TSHZ3: variants seen among roughly 807,000 people sequenced by gnomAD.
TSHZ3 encodes the protein teashirt homolog 3.
Under a neutral mutation model 64.5 loss-of-function variants are expected in TSHZ3, and 10 were observed. The observed-to-expected ratio is 0.16, with a 90% CI of 0.10 to 0.26. The LOEUF is 0.26. TSHZ3 is among the 10% of genes least tolerant of loss of function. The pLI, the probability that TSHZ3 is intolerant of heterozygous loss-of-function variation, is 1.00. For missense variants in TSHZ3, 1,242 were observed against 1,421.7 expected, an observed-to-expected ratio of 0.87 and a Z score of 2.03; for synonymous variants, 608 against 593.1, an observed-to-expected ratio of 1.03 and a Z score of -0.36.
chr19:31,302,711 C>A (rs781546823), intron 1 of TSHZ3, among the ~76,000 whole-genome samples: 47 of 152,204 alleles, frequency 3.1e-4, no homozygotes, highest in Non-Finnish European at 5.6e-4. Flanking sequence ...TTTTTCCTAT[C>A]AGAGTGTGTA....
chr19:31,252,568 G>C (rs911064863), intron 1 of TSHZ3, among the ~76,000 whole-genome samples: 1 of 152,220 alleles, frequency 6.6e-6, no homozygotes, highest in African/African-American at 2.4e-5. Context: ...ATGACAGTGA[G>C]TTCTCAGAAG....
At chr19:31,291,745 C>T (rs1481328444) in intron 1 of TSHZ3, among the ~76,000 whole-genome samples, 1 of 152,178 alleles carries the variant, frequency 6.6e-6, no homozygotes, top group Non-Finnish European at 1.5e-5. Context: ...ATGGTGGAAG[C>T]CCGCACCTGT....
Position 31,279,626 on chromosome 19 carries a change from C to A in TSHZ3, c.167G>T (p.Cys56Phe). 6.2e-7 allele frequency: 1 copy of A among 1,611,660 alleles called. No individual in the cohort carries two copies. Among genetic ancestry groups the A allele is most frequent in the Non-Finnish European group, 8.5e-7 (1 of 1,178,660 alleles). Residue 56 changes from cysteine (C) to phenylalanine (F), a missense_variant, in exon 2 of 2, where the codon TGC (cysteine) becomes TTC (phenylalanine). By Grantham distance (205) the Cys-to-Phe change is radical (BLOSUM62 -2). This residue lies in a region of TSHZ3 where 555 missense variants were observed against 704.0 expected (regional missense o/e 0.79). Coordinates refer to ENST00000240587, the MANE Select transcript of TSHZ3 (RefSeq NM_020856.4). The surrounding 1 kb of genome is among the most constrained non-coding windows in gnomAD (Gnocchi z 6.4). Reference sequence around the variant, plus strand: ...GGCCGGGGAGTTCTGGTAGCTGGGGCAGGCCCTGGCGAGCTCCTTCTCCGG... The same window carrying A: ...GGCCGGGGAGTTCTGGTAGCTGGGGAAGGCCCTGGCGAGCTCCTTCTCCGG... ...MCPEKELARA[C>F]PSYQNSPAAE... is the part of the protein sequence containing the mutation.
chr19:31,162,855 C>T (rs531957749), intron 5 of TSHZ3, among the ~76,000 whole-genome samples: 60 of 152,294 alleles, frequency 3.9e-4, no homozygotes, highest in African/African-American at 1.3e-3. Context: ...AGAGAGACCC[C>T]GAGACCTGGA....
At chr19:31,268,491 C>A (rs1976087216) in intron 1 of TSHZ3, among the ~76,000 whole-genome samples, 1 of 152,156 alleles carries the variant, frequency 6.6e-6, no homozygotes, top group South Asian at 2.1e-4. Context: ...GTGGATGCTC[C>A]GTGTTTCTAA....
At chr19:31,155,933 C>T (rs1278043240) in intron 6 of TSHZ3, among the ~76,000 whole-genome samples, 2 of 152,190 alleles carry the variant, frequency 1.3e-5, no homozygotes, top group Non-Finnish European at 2.9e-5. Context: ...TACTTTGTGA[C>T]ATTTGATGCA....
At chr19:31,252,245 G>T (rs76798953) in intron 1 of TSHZ3, among the ~76,000 whole-genome samples, 2,024 of 152,188 alleles carry the variant, frequency 0.013, 48 homozygotes, top group African/African-American at 0.046. Flanking sequence ...TGACTTTTCT[G>T]GCTTTTGGTG....
At chr19:31,230,162 G>C (rs1975520252) in intron 3 of TSHZ3, among the ~76,000 whole-genome samples, 1 of 152,104 alleles carries the variant, frequency 6.6e-6, no homozygotes, top group Non-Finnish European at 1.5e-5. Context: ...AAAATATGCA[G>C]CTGCTTAAAT....
intron 1 of TSHZ3, among the ~76,000 whole-genome samples, chr19:31,247,870 G>GTGTA (rs556832345): frequency 1.3e-5 from 2 of 148,866 alleles, no homozygotes; most frequent in African/African-American, 2.6e-5. Context: ...GTGTGTGTGT[G>GTGTA]TGTATGTATG....
At position 31,277,123 on chromosome 19, in the gene TSHZ3, C is replaced by T. The variant is rs953610791; in HGVS notation, c.2670G>A (p.Lys890=). The change falls in exon 2 of 2, where the codon AAG becomes AAA. Residue 890 remains lysine, a synonymous_variant. Coordinates refer to ENST00000240587, the MANE Select transcript of TSHZ3 (RefSeq NM_020856.4). This position sits in a 1 kb window ranked among gnomAD's most constrained non-coding sequence, Gnocchi z 4.5. ...EEAEESTPAQ[K]RKGRQSNWNP... is the part of the protein sequence containing the mutation. ...TCCAGTTTGACTGGCGGCCCTTCCTCTTCTGGGCGGGCGTCGACTCCTCAG... is the reference window on the plus strand; with the variant it reads ...TCCAGTTTGACTGGCGGCCCTTCCTTTTCTGGGCGGGCGTCGACTCCTCAG... The T allele has an allele frequency of 8.1e-6, 13 of 1,605,212 alleles. No homozygotes were observed. Among genetic ancestry groups the T allele is most frequent in the East Asian group, 2.2e-5 (1 of 44,734 alleles).
chr19:31,271,789 G>A (rs887336443), downstream of TSHZ3, among the ~76,000 whole-genome samples: 6 of 152,134 alleles, frequency 3.9e-5, no homozygotes, highest in Non-Finnish European at 7.4e-5. Context: ...GGAGAAAGAA[G>A]GCTCCTGTTT....
At chr19:31,232,054 C>T (rs986486452) in intron 3 of TSHZ3, among the ~76,000 whole-genome samples, 3 of 152,074 alleles carry the variant, frequency 2.0e-5, no homozygotes, top group Non-Finnish European at 4.4e-5. Flanking sequence ...ATTTCACCTC[C>T]TTCTTGGTTT....
chr19:31,308,513 G>A (rs1368396380), intron 1 of TSHZ3: 3 of 394,806 alleles, frequency 7.6e-6, no homozygotes, highest in African/African-American at 6.2e-5. Context: ...CTCCAGCGTG[G>A]ACCACCACTA....
intron 5 of TSHZ3, among the ~76,000 whole-genome samples, chr19:31,183,178 TTCTCTC>T (rs750398873): frequency 0.012 from 1,410 of 116,458 alleles, 10 homozygotes; most frequent in South Asian, 0.03. Context: ...TTCTATGAGA[TTCTCTC>T]TCTCTCTCTC....
At chr19:31,175,200 C>A (rs1974590697) in intron 5 of TSHZ3, among the ~76,000 whole-genome samples, 1 of 152,154 alleles carries the variant, frequency 6.6e-6, no homozygotes, top group African/African-American at 2.4e-5. Context: ...CAGTTTCCTG[C>A]ACAGCCAGCC....
At chr19:31,230,345 AAAAGACTT>A (rs1189329147) in intron 3 of TSHZ3, among the ~76,000 whole-genome samples, 1 of 152,218 alleles carries the variant, frequency 6.6e-6, no homozygotes, top group Non-Finnish European at 1.5e-5. Context: ...TATGCATAGA[AAAAGACTT>A]TAAGAGGATA....
intron 1 of TSHZ3, among the ~76,000 whole-genome samples, chr19:31,281,989 T>TA (rs1445256866): frequency 6.6e-6 from 1 of 152,172 alleles, no homozygotes. Context: ...CTTGTTACCC[T>TA]AGCTGGGGCA....
intron 3 of TSHZ3, among the ~76,000 whole-genome samples, chr19:31,241,540 T>C (rs1349287150): frequency 1.3e-5 from 2 of 152,192 alleles, no homozygotes; most frequent in African/African-American, 4.8e-5. Flanking sequence ...AAGCACTAGG[T>C]AATCTCCATG....
rs1468575630 is a variant in TSHZ3, at chr19:31,279,659, T to C, written c.134A>G (p.Tyr45Cys). The C allele has an allele frequency of 3.7e-6, 6 of 1,604,112 alleles. No individual in the cohort carries two copies. Among genetic ancestry groups the C allele is most frequent in the Non-Finnish European group, 3.4e-6 (4 of 1,174,628 alleles). Residue 45 changes from tyrosine (Y) to cysteine (C), a missense_variant, in exon 2 of 2, where the codon TAC becomes TGC. By Grantham distance (194) the Tyr-to-Cys change is radical (BLOSUM62 -2). Coordinates refer to ENST00000240587, the MANE Select transcript of TSHZ3 (RefSeq NM_020856.4). This position sits in a 1 kb window ranked among gnomAD's most constrained non-coding sequence, Gnocchi z 6.4. ...HTADGEPSAK[Y>C]MCPEKELARA... ...GGCGAGCTCCTTCTCCGGGCACATG[T>C]ACTTGGCCGAGGGCTCTCCATCTGC...
Sources: allele counts gnomAD v4.1 joint callset (sites outside exome capture counted in the v4.1 genomes callset), GRCh38; gene constraint gnomAD v4.1.1; regional missense constraint gnomAD v4.1.1; non-coding constraint Gnocchi (gnomAD v3.1); transcripts MANE v1.5; gene names NCBI Gene and HGNC (gene_info 2026-07-23, HGNC 2026-07-21).